The following TENM3 variants were observed in gnomAD, a reference collection of about 807,000 sequenced individuals.
TENM3 encodes teneurin-3.
Under a neutral mutation model 255.1 loss-of-function variants are expected in TENM3, and 63 were observed. That is an observed-to-expected ratio of 0.25 (90% CI 0.20 to 0.30). The LOEUF (loss-of-function observed/expected upper bound fraction) is 0.30. Among genes scored for constraint, TENM3 ranks in the 10% least tolerant of loss-of-function variants. The pLI is 1.00. For missense variants in TENM3, 2,929 were observed against 3,461.1 expected (o/e 0.85, Z 3.86); for synonymous variants, 1,306 against 1,322.3 (o/e 0.99, Z 0.27).
the TENM3 span, among the ~76,000 whole-genome samples, chr4:181,486,527 G>T: frequency 6.6e-6 from 1 of 152,178 alleles, no homozygotes; most frequent in South Asian, 2.1e-4. Context: ...GCTTGCACTT[G>T]GCTTATCTTC....
chr4:181,492,572 A>T, the TENM3 span, among the ~76,000 whole-genome samples: 2 of 152,202 alleles, frequency 1.3e-5, no homozygotes, highest in Admixed American at 6.5e-5. Context: ...ATTAGTAAAC[A>T]TCCTTGGCTG....
chr4:181,567,501 G>A, the TENM3 span, among the ~76,000 whole-genome samples: 1 of 152,088 alleles, frequency 6.6e-6, no homozygotes, highest in African/African-American at 2.4e-5. Flanking sequence ...GGATAACCTT[G>A]TAACTAAGCA....
intron 1 of TENM3, among the ~76,000 whole-genome samples, chr4:182,170,246 A>C (rs892577876): frequency 7.2e-5 from 11 of 152,106 alleles, no homozygotes; most frequent in African/African-American, 2.7e-4. Context: ...AAGTGATGTC[A>C]CAAATAGAAT....
At chr4:182,646,754 AT>A (rs1297495128) in intron 5 of TENM3, among the ~76,000 whole-genome samples, 10 of 152,230 alleles carry the variant, frequency 6.6e-5, no homozygotes, top group African/African-American at 1.9e-4. Context: ...ACATACATAC[AT>A]ACATAAAAAT....
the TENM3 span, among the ~76,000 whole-genome samples, chr4:181,468,186 G>A: frequency 6.6e-6 from 1 of 151,582 alleles, no homozygotes; most frequent in East Asian, 1.9e-4. Flanking sequence ...CAGCTACTCA[G>A]GAGGCTTAGC....
chr4:181,622,290 A>T, the TENM3 span, among the ~76,000 whole-genome samples: 1 of 152,000 alleles, frequency 6.6e-6, no homozygotes. Context: ...CAGCTCTTGG[A>T]TTGTACTCAC....
the TENM3 span, among the ~76,000 whole-genome samples, chr4:181,630,110 C>A: frequency 6.6e-6 from 1 of 152,256 alleles, no homozygotes; most frequent in African/African-American, 2.4e-5. Context: ...TCTGGATTTT[C>A]TAGTTCATTT....
At chr4:182,159,104 G>A (rs961410861) in intron 1 of TENM3, among the ~76,000 whole-genome samples, 2 of 152,172 alleles carry the variant, frequency 1.3e-5, no homozygotes, top group Non-Finnish European at 2.9e-5. Flanking sequence ...GGTTTGTAAC[G>A]ATGGCTGGTG....
chr4:181,719,099 G>A, the TENM3 span, among the ~76,000 whole-genome samples: 1 of 151,514 alleles, frequency 6.6e-6, no homozygotes, highest in Non-Finnish European at 1.5e-5. Flanking sequence ...CCAGCTACTC[G>A]GGAGGCTGAG....
the TENM3 span, among the ~76,000 whole-genome samples, chr4:181,898,256 G>A: frequency 6.8e-6 from 1 of 146,520 alleles, no homozygotes; most frequent in South Asian, 2.3e-4. Flanking sequence ...CAACACATCT[G>A]CAGCTACACA....
the TENM3 span, among the ~76,000 whole-genome samples, chr4:181,955,667 G>T: frequency 2.0e-5 from 3 of 152,210 alleles, no homozygotes; most frequent in Non-Finnish European, 4.4e-5. Flanking sequence ...AAGGGGCGCA[G>T]GTCCTAGATT....
At chr4:181,844,677 A>T in the TENM3 span, among the ~76,000 whole-genome samples, 2 of 151,926 alleles carry the variant, frequency 1.3e-5, no homozygotes, top group Admixed American at 6.6e-5. Flanking sequence ...CAAAAAAATA[A>T]AATAAAATAA....
chr4:181,625,832 T>A, the TENM3 span, among the ~76,000 whole-genome samples: 2 of 149,934 alleles, frequency 1.3e-5, no homozygotes, highest in African/African-American at 2.5e-5. Flanking sequence ...ATAATAATAA[T>A]AACAATAATA....
intron 22 of TENM3, among the ~76,000 whole-genome samples, chr4:182,771,282 G>C (rs952337414): frequency 6.6e-5 from 10 of 152,174 alleles, no homozygotes; most frequent in South Asian, 4.1e-4. Context: ...GGTCAAAAAA[G>C]GGCAGAGGAG....
chr4:181,836,209 A>AC, the TENM3 span, among the ~76,000 whole-genome samples: 2 of 151,004 alleles, frequency 1.3e-5, no homozygotes, highest in East Asian at 1.9e-4. Context: ...ACACACACAC[A>AC]ACTTCCCCTT....
intron 3 of TENM3, among the ~76,000 whole-genome samples, chr4:182,454,867 A>C (rs1261138832): frequency 6.6e-6 from 1 of 152,220 alleles, no homozygotes; most frequent in Non-Finnish European, 1.5e-5. Flanking sequence ...AGTTAAAGCA[A>C]TTAAGTGCTG....
the TENM3 span, among the ~76,000 whole-genome samples, chr4:181,566,662 G>A: frequency 1.1e-4 from 16 of 152,242 alleles, 1 homozygote; most frequent in South Asian, 1.2e-3. Flanking sequence ...ACACAGGCCC[G>A]TCTGGTTTTC....
chr4:182,681,670 T>A, intron 10 of TENM3, 144 bp from the exon 11 acceptor site: 1 of 652,364 alleles, frequency 1.5e-6, no homozygotes, highest in Non-Finnish European at 2.6e-6. Context: ...TCTTTGCATT[T>A]TCAGAAACAA....
the TENM3 span, among the ~76,000 whole-genome samples, chr4:181,561,173 C>T: frequency 6.6e-6 from 1 of 152,022 alleles, no homozygotes; most frequent in Non-Finnish European, 1.5e-5. Context: ...AGGCTGGTCT[C>T]GAACTCCTGA....
Sources: gnomAD v4.1 joint callset for allele counts (sites outside exome capture counted in the v4.1 genomes callset) on GRCh38, gnomAD v4.1.1 for gene constraint, MANE v1.5 for transcripts, NCBI Gene and HGNC (gene_info 2026-07-23, HGNC 2026-07-21) for gene names.